The following FAM13A variants were observed in gnomAD, a reference collection of about 807,000 sequenced individuals.
FAM13A encodes protein FAM13A.
Under a neutral mutation model 129.6 loss-of-function variants are expected in FAM13A, and 76 were observed. The observed-to-expected ratio is 0.59, with a 90% CI of 0.49 to 0.71. The LOEUF (loss-of-function observed/expected upper bound fraction) is 0.71, where lower values mean the gene tolerates loss of function less well. Ranked by LOEUF, FAM13A falls within the 30% of genes least tolerant of loss-of-function variation. The pLI is 0.00. For synonymous variants in FAM13A, 443 were observed against 449.9 expected (o/e 0.98, Z 0.20); for missense variants, 1,108 against 1,249.3 (o/e 0.89, Z 1.70).
At chr4:88,968,456 G>A (rs920700515) in intron 4 of FAM13A, among the ~76,000 whole-genome samples, 3 of 151,848 alleles carry the variant, frequency 2.0e-5, no homozygotes, top group South Asian at 2.1e-4. Context: ...TTCTTTCTTC[G>A]CTATGACCGA....
At chr4:88,848,293 G>A (rs11944131) in intron 7 of FAM13A, among the ~76,000 whole-genome samples, 3 of 152,156 alleles carry the variant, frequency 2.0e-5, no homozygotes, top group Non-Finnish European at 2.9e-5. Flanking sequence ...CTCAAGCTGC[G>A]TTACACAAGA....
intron 6 of FAM13A, among the ~76,000 whole-genome samples, chr4:88,879,358 A>C (rs1319324969): frequency 2.0e-5 from 3 of 152,240 alleles, no homozygotes; most frequent in African/African-American, 7.2e-5. Flanking sequence ...ATAGCATATA[A>C]GACTAGAAAA....
At position 88,938,183 on chromosome 4, in the gene FAM13A, T is replaced by C; in HGVS notation, c.664A>G (p.Lys222Glu). 1.2e-6 allele frequency: 2 copies of C among 1,613,558 alleles called. No individual in the cohort carries two copies. Among genetic ancestry groups the C allele is most frequent in the Non-Finnish European group, 8.5e-7 (1 of 1,179,578 alleles). The change falls in exon 5 of 24, where the codon AAA becomes GAA. Residue 222 changes from lysine (K) to glutamate (E), a missense_variant. This residue lies in a region of FAM13A where 566 missense variants were observed against 595.7 expected (regional missense o/e 0.95). Coordinates refer to ENST00000264344, the MANE Select transcript of FAM13A (RefSeq NM_014883.4). ...EQDLCNKIMA[K>E]ILENYNTLFE... ...AGGGTATTGTAATTTTCTAGAATTT[T>C]AGCCATTATCTTGTTGCACAGGTCC...
At chr4:88,783,711 T>C (rs79152573) in intron 10 of FAM13A, among the ~76,000 whole-genome samples, 265 of 152,178 alleles carry the variant, frequency 1.7e-3, no homozygotes, top group Non-Finnish European at 3.4e-3. Flanking sequence ...ACAGGGCCTT[T>C]AAGGAGGTAA....
At chr4:88,980,679 G>A (rs1388081204) in intron 4 of FAM13A, among the ~76,000 whole-genome samples, 3 of 152,054 alleles carry the variant, frequency 2.0e-5, no homozygotes, top group Non-Finnish European at 2.9e-5. Context: ...CTACAGCTTG[G>A]GCTTGATTTT....
chr4:88,806,507 G>A (rs1728592847), intron 7 of FAM13A, among the ~76,000 whole-genome samples: 1 of 152,158 alleles, frequency 6.6e-6, no homozygotes, highest in Non-Finnish European at 1.5e-5. Context: ...ACAAAATCGT[G>A]TCCTGGAAGT....
At chr4:89,026,018 A>G (rs969036696) in intron 2 of FAM13A, among the ~76,000 whole-genome samples, 1 of 152,252 alleles carries the variant, frequency 6.6e-6, no homozygotes, top group Admixed American at 6.5e-5. Context: ...ACACAATAAA[A>G]GTATGATCAA....
intron 3 of FAM13A, among the ~76,000 whole-genome samples, chr4:89,004,608 T>C (rs1764743677): frequency 6.6e-6 from 1 of 152,216 alleles, no homozygotes; most frequent in South Asian, 2.1e-4. Context: ...TATTCTTCTG[T>C]AACTCTTTTG....
At chr4:89,009,055 G>A (rs1419840437) in intron 3 of FAM13A, 5 of 152,024 alleles carry the variant, frequency 3.3e-5, no homozygotes, top group African/African-American at 1.2e-4. Flanking sequence ...CTGTCAAGAT[G>A]TCACATCAGG....
chr4:88,906,874 T>A (rs950327422), intron 5 of FAM13A, among the ~76,000 whole-genome samples: 1 of 152,234 alleles, frequency 6.6e-6, no homozygotes, highest in Non-Finnish European at 1.5e-5. Flanking sequence ...TCTGACTCTT[T>A]ACATACTTGA....
intron 4 of FAM13A, among the ~76,000 whole-genome samples, chr4:88,958,866 T>G (rs903290440): frequency 1.3e-5 from 2 of 152,232 alleles, no homozygotes; most frequent in African/African-American, 4.8e-5. Context: ...CCATGGGGGC[T>G]GTACCCTGCA....
intron 4 of FAM13A, among the ~76,000 whole-genome samples, chr4:88,945,909 ACT>A (rs1755662615): frequency 7.4e-6 from 1 of 134,928 alleles, no homozygotes; most frequent in Non-Finnish European, 1.6e-5. Flanking sequence ...ATATACACAG[ACT>A]ATATATATAT....
At chr4:88,842,017 A>C (rs1735916704) in intron 7 of FAM13A, among the ~76,000 whole-genome samples, 1 of 152,232 alleles carries the variant, frequency 6.6e-6, no homozygotes, top group African/African-American at 2.4e-5. Context: ...ACGTCAACTA[A>C]TGAGTGGATA....
At chr4:88,923,465 C>T (rs891399393) in intron 5 of FAM13A, among the ~76,000 whole-genome samples, 44 of 152,144 alleles carry the variant, frequency 2.9e-4, no homozygotes, top group Admixed American at 1.4e-3. Flanking sequence ...ATGATTATCT[C>T]GAAAGATGCA....
intron 6 of FAM13A, among the ~76,000 whole-genome samples, chr4:88,882,774 C>T (rs1348757028): frequency 6.6e-6 from 1 of 151,980 alleles, no homozygotes. Flanking sequence ...AAGAGACTCA[C>T]CTAACACATA....
At chr4:89,047,228 A>T (rs1381059161) in intron 1 of FAM13A, among the ~76,000 whole-genome samples, 1 of 152,194 alleles carries the variant, frequency 6.6e-6, no homozygotes. Flanking sequence ...ATGATCACAG[A>T]AAAACTTTAG....
chr4:88,853,604 A>G (rs1737990952), intron 6 of FAM13A, among the ~76,000 whole-genome samples: 2 of 152,226 alleles, frequency 1.3e-5, no homozygotes, highest in Admixed American at 6.5e-5. Flanking sequence ...AAGCAAGCAC[A>G]AGGACAGTTG....
intron 6 of FAM13A, among the ~76,000 whole-genome samples, chr4:88,853,154 A>C (rs2149994994): frequency 6.6e-6 from 1 of 152,286 alleles, no homozygotes; most frequent in Middle Eastern, 3.4e-3. Flanking sequence ...AGCAAGGAAA[A>C]AATTTTTAAA....
intron 7 of FAM13A, among the ~76,000 whole-genome samples, chr4:88,815,707 C>A (rs1198275784): frequency 6.6e-6 from 1 of 152,138 alleles, no homozygotes; most frequent in Non-Finnish European, 1.5e-5. Flanking sequence ...TAATTTCCTT[C>A]AGTGTATCTC....
Sources: gnomAD v4.1 joint callset for allele counts (sites outside exome capture counted in the v4.1 genomes callset) on GRCh38, gnomAD v4.1.1 for gene constraint, gnomAD v4.1.1 regional missense constraint, MANE v1.5 for transcripts, NCBI Gene and HGNC (gene_info 2026-07-23, HGNC 2026-07-21) for gene names.